Variants in NEDD4L observed in about 807,000 individuals in gnomAD.
The protein encoded by NEDD4L is E3 ubiquitin-protein ligase NEDD4-like.
In NEDD4L, 54 loss-of-function variants were observed where a neutral mutation model predicts 148.9. The observed-to-expected ratio is 0.36, with a 90% confidence interval of 0.29 to 0.45. The LOEUF (loss-of-function observed/expected upper bound fraction) is 0.45. NEDD4L is among the 20% of genes least tolerant of loss of function. NEDD4L has a pLI of 1.00. For synonymous variants in NEDD4L, 433 were observed against 440.7 expected (o/e 0.98, Z 0.22); for missense variants, 856 against 1,233.8 (o/e 0.69, Z 4.59).
intron 1 of NEDD4L, among the ~76,000 whole-genome samples, chr18:58,129,700 G>A (rs749493158): frequency 2.0e-5 from 3 of 152,252 alleles, no homozygotes; most frequent in South Asian, 2.1e-4. Context: ...GTCCACACGC[G>A]TGGCTTCATT....
chr18:58,347,865 T>G (rs1241915591), intron 16 of NEDD4L, among the ~76,000 whole-genome samples: 7 of 152,196 alleles, frequency 4.6e-5, no homozygotes, highest in African/African-American at 1.7e-4. Context: ...TCTAGTAATT[T>G]GGCAGCAGCA....
chr18:58,075,243 G>A (rs566282006), intron 1 of NEDD4L, among the ~76,000 whole-genome samples: 1 of 152,218 alleles, frequency 6.6e-6, no homozygotes, highest in East Asian at 1.9e-4. Context: ...TCGCCTCCTG[G>A]ATGTTCAAAC....
intron 2 of NEDD4L, among the ~76,000 whole-genome samples, chr18:58,241,353 T>C (rs1422800668): frequency 6.6e-6 from 1 of 152,196 alleles, no homozygotes; most frequent in Non-Finnish European, 1.5e-5. Context: ...TCTCCATCTG[T>C]CTTTTCTCCC....
At position 58,118,440 on chromosome 18, in the gene NEDD4L, A is replaced by G. The variant is rs188826441; in HGVS notation, c.49-47348A>G. 3.7e-3 allele frequency among the ~76,000 whole-genome samples: 564 copies of G among 152,348 alleles called. 5 individuals are homozygous for G. Among genetic ancestry groups the G allele is most frequent in the Non-Finnish European group, 4.6e-3 (312 of 68,044 alleles). ...CATCTCTTTTATGGATATAACTAGAAGCTCTGCTTCATCAATGAGTGTGTT... is the reference window on the plus strand; with the variant it reads ...CATCTCTTTTATGGATATAACTAGAGGCTCTGCTTCATCAATGAGTGTGTT... On this transcript the variant is annotated intron_variant, in intron 1 of 30. Transcript: ENST00000400345.
intron 2 of NEDD4L, among the ~76,000 whole-genome samples, chr18:58,191,585 A>T (rs1216308293): frequency 6.6e-6 from 1 of 152,234 alleles, no homozygotes; most frequent in Non-Finnish European, 1.5e-5. Flanking sequence ...TGTACAACTT[A>T]AAATTTTATT....
chr18:58,280,176 A>T (rs1029378593), intron 5 of NEDD4L, among the ~76,000 whole-genome samples: 3 of 152,102 alleles, frequency 2.0e-5, no homozygotes, highest in African/African-American at 7.2e-5. Flanking sequence ...CTGAGCAGCC[A>T]CTGCACGTGG....
Position 58,342,922 on chromosome 18 carries a change from C to T in NEDD4L, c.1394C>T (p.Pro465Leu). The T allele has an allele frequency of 6.2e-7, 1 of 1,610,822 alleles. No homozygotes were observed. The highest frequency in any genetic ancestry group is 8.5e-7 in the Non-Finnish European group (1 of 1,178,474). ...SAPLEGAKDS[P>L]VRRAVKDTLS... Reference sequence around the variant, plus strand: ...ATTCTTTAGGGTGCCAAGGACTCACCCGTACGTCGGGCTGTGAAAGACACC... The same window carrying T: ...ATTCTTTAGGGTGCCAAGGACTCACTCGTACGTCGGGCTGTGAAAGACACC... The change falls in exon 16 of 31, where the codon CCC becomes CTC. Residue 465 changes from proline (P) to leucine (L), a missense_variant. This residue lies in a region of NEDD4L where 367 missense variants were observed against 422.7 expected (regional missense o/e 0.87). Coordinates refer to ENST00000400345, the MANE Select transcript of NEDD4L (RefSeq NM_001144967.3).
intron 5 of NEDD4L, among the ~76,000 whole-genome samples, chr18:58,264,832 T>C (rs1413633406): frequency 6.6e-6 from 1 of 152,110 alleles, no homozygotes; most frequent in African/African-American, 2.4e-5. Flanking sequence ...AGCTTTACTT[T>C]TGCAGTAATA....
chr18:58,342,862 A>G (rs761946908), intron 15 of NEDD4L, 44 bp from the exon 16 acceptor site: 2 of 1,449,396 alleles, frequency 1.4e-6, no homozygotes, highest in Non-Finnish European at 1.8e-6. Flanking sequence ...GCACATTGGA[A>G]TCGCACATGC....
chr18:58,316,031 C>T lies in NEDD4L; in HGVS notation c.347C>T (p.Pro116Leu), dbSNP rs572854572. 18 of 1,612,330 alleles carry T rather than the reference C, an allele frequency of 1.1e-5. No homozygotes were observed. The highest frequency in any genetic ancestry group is 6.7e-5 in the Admixed American group (4 of 60,022). Reference protein sequence around the residue: ...GQVDVPLSHLPTEDPTMERPY... With the variant: ...GQVDVPLSHLLTEDPTMERPY... ...GTGGACGTGCCCCTTAGTCACCTTC[C>T]GGTAAGGACAGTCTCATGTTTGATG... is the stretch of plus-strand genomic sequence containing the variant. The change falls in exon 6 of 31, where the codon CCG becomes CTG. Residue 116 changes from proline to leucine, a missense_variant and splice_region_variant. Physicochemically the swap from Pro to Leu is moderately conservative, Grantham distance 98. Coordinates refer to ENST00000400345, the MANE Select transcript of NEDD4L (RefSeq NM_001144967.3).
Position 58,341,134 on chromosome 18 carries a change from A to G in NEDD4L, c.1222A>G (p.Asn408Asp), listed in dbSNP as rs2042365671. 6.2e-7 allele frequency: 1 copy of G among 1,612,916 alleles called. No homozygotes were observed. Among genetic ancestry groups the G allele is most frequent in the Non-Finnish European group, 8.5e-7 (1 of 1,179,546 alleles). The change falls in exon 14 of 31, where the codon AAT becomes GAT. Residue 408 changes from asparagine to aspartate, a missense_variant. By Grantham distance (23) the Asn-to-Asp change is conservative. Around this residue, in one of 4 missense-constraint regions of NEDD4L, gnomAD observed 367 missense variants for 422.7 expected, o/e 0.87. Coordinates refer to ENST00000400345, the MANE Select transcript of NEDD4L (RefSeq NM_001144967.3). The stretch of plus-strand genomic sequence containing the variant: ...GCGCACATACTATGTCAATCATAAC[A>G]ATCGAACCACAACTTGGACTCGACC... ...KGRTYYVNHN[N>D]RTTTWTRPIM...
intron 24 of NEDD4L, among the ~76,000 whole-genome samples, chr18:58,381,143 A>G (rs1187722846): frequency 6.6e-6 from 1 of 152,208 alleles, no homozygotes; most frequent in Admixed American, 6.5e-5. Flanking sequence ...ATAAACTCCA[A>G]AAGAGAAATT....
chr18:58,061,220 T>C (rs1573390), intron 1 of NEDD4L, among the ~76,000 whole-genome samples: 123,028 of 152,150 alleles, frequency 0.81, 50,306 homozygotes, highest in East Asian at 1. Flanking sequence ...TGCTGTAGTG[T>C]AGTATCAGTT....
At chr18:58,142,934 A>C (rs2033709485) in intron 1 of NEDD4L, among the ~76,000 whole-genome samples, 1 of 152,052 alleles carries the variant, frequency 6.6e-6, no homozygotes, top group Admixed American at 6.6e-5. Context: ...CAGGGTCCTT[A>C]GCAATGGAGG....
intron 1 of NEDD4L, among the ~76,000 whole-genome samples, chr18:58,051,283 A>C (rs1363632889): frequency 6.6e-6 from 1 of 152,164 alleles, no homozygotes; most frequent in Non-Finnish European, 1.5e-5. Context: ...ACAAACAAAG[A>C]TCACCCCAAA....
intron 2 of NEDD4L, among the ~76,000 whole-genome samples, chr18:58,211,860 A>G (rs1328069544): frequency 6.6e-6 from 1 of 152,222 alleles, no homozygotes; most frequent in Admixed American, 6.5e-5. Context: ...ATGTATAACA[A>G]GATGATAGTT....
chr18:58,378,051 G>C (rs573511704), intron 24 of NEDD4L, among the ~76,000 whole-genome samples: 1 of 152,202 alleles, frequency 6.6e-6, no homozygotes, highest in African/African-American at 2.4e-5. Context: ...GGCCTGATTT[G>C]ATTGTTTTGA....
intron 11 of NEDD4L, among the ~76,000 whole-genome samples, chr18:58,331,330 C>A (rs2059771147): frequency 6.6e-6 from 1 of 152,212 alleles, no homozygotes; most frequent in Non-Finnish European, 1.5e-5. Flanking sequence ...CCTCTTAAGT[C>A]ATATTCTGCA....
At chr18:58,201,594 A>G (rs7234852) in intron 2 of NEDD4L, among the ~76,000 whole-genome samples, 5,412 of 152,262 alleles carry the variant, frequency 0.036, 317 homozygotes, top group African/African-American at 0.12. Flanking sequence ...GTTTCTCTAT[A>G]TGAGTTCACC....
Sources: allele counts gnomAD v4.1 joint callset (sites outside exome capture counted in the v4.1 genomes callset), GRCh38; gene constraint gnomAD v4.1.1; regional missense constraint gnomAD v4.1.1; transcripts MANE v1.5; gene names NCBI Gene and HGNC (gene_info 2026-07-23, HGNC 2026-07-21).